Variants in GNAQ observed in about 807,000 individuals in gnomAD.
GNAQ encodes G protein subunit alpha q.
In GNAQ, 8 loss-of-function variants were observed where a neutral mutation model predicts 43.9. The ratio of observed to expected loss-of-function variants is 0.18; its 90% CI spans 0.11 to 0.33. The LOEUF (loss-of-function observed/expected upper bound fraction) is 0.33. Among genes scored for constraint, GNAQ ranks in the 10% least tolerant of loss-of-function variants. GNAQ has a pLI of 1.00. For missense variants in GNAQ, 158 were observed against 450.8 expected (o/e 0.35, Z 5.88); for synonymous variants, 155 against 170.7 (o/e 0.91, Z 0.71).
chr9:77,791,642 C>T (rs1006732100), intron 5 of GNAQ, among the ~76,000 whole-genome samples: 6 of 152,148 alleles, frequency 3.9e-5, no homozygotes, highest in Non-Finnish European at 8.8e-5. Context: ...AGCAGACCTA[C>T]ATAAAATTAT....
intron 2 of GNAQ, among the ~76,000 whole-genome samples, chr9:77,825,699 G>A (rs1238782724): frequency 6.6e-6 from 1 of 152,174 alleles, no homozygotes; most frequent in Non-Finnish European, 1.5e-5. Context: ...GAAATACAAA[G>A]TGAATGTCTG....
At chr9:77,876,656 T>C (rs1330000955) in intron 2 of GNAQ, among the ~76,000 whole-genome samples, 1 of 152,212 alleles carries the variant, frequency 6.6e-6, no homozygotes, top group Non-Finnish European at 1.5e-5. Flanking sequence ...TGCTAAGCAC[T>C]GGACATTAAT....
At position 78,014,464 on chromosome 9, in the gene GNAQ, G is replaced by A. The variant is rs139754112; in HGVS notation, c.136+16636C>T. ...CTACTAAAAATACAAAAATTAGCTG[G>A]GTGTGGTGGTGCATGCCTATAATCC... On this transcript the variant is annotated intron_variant, in intron 1 of 6. Coordinates refer to ENST00000286548, the MANE Select transcript of GNAQ (RefSeq NM_002072.5). Among the ~76,000 whole-genome samples, 44 of 152,108 alleles carry A rather than the reference G, an allele frequency of 2.9e-4. No individual in the cohort carries two copies. The East Asian group carries it at 7.2e-3, about 25-fold the overall frequency.
At chr9:77,875,160 G>A (rs906633429) in intron 2 of GNAQ, among the ~76,000 whole-genome samples, 2 of 152,184 alleles carry the variant, frequency 1.3e-5, no homozygotes, top group Non-Finnish European at 2.9e-5. Context: ...AACTAACTTC[G>A]TCATACTCCT....
intron 3 of GNAQ, among the ~76,000 whole-genome samples, chr9:77,801,353 C>T (rs1279581446): frequency 1.3e-5 from 2 of 152,112 alleles, no homozygotes; most frequent in African/African-American, 2.4e-5. Context: ...AATACTTTTT[C>T]CTCTTCATCT....
At chr9:77,791,853 A>G (rs1415078616) in intron 5 of GNAQ, among the ~76,000 whole-genome samples, 2 of 152,164 alleles carry the variant, frequency 1.3e-5, no homozygotes, top group African/African-American at 4.8e-5. Flanking sequence ...GCTTTGGATT[A>G]AAGTTATGAA....
chr9:77,886,040 G>A (rs530998005), intron 2 of GNAQ, among the ~76,000 whole-genome samples: 75 of 152,164 alleles, frequency 4.9e-4, no homozygotes, highest in African/African-American at 1.7e-3. Flanking sequence ...GCAGTGGCAC[G>A]ATCTCGGTTC....
At chr9:77,870,284 T>C (rs1249722936) in intron 2 of GNAQ, among the ~76,000 whole-genome samples, 2 of 151,994 alleles carry the variant, frequency 1.3e-5, no homozygotes, top group Admixed American at 6.6e-5. Flanking sequence ...AGGAAGCAGT[T>C]TGAAACCTCA....
chr9:78,025,704 T>A (rs996611786), intron 1 of GNAQ, among the ~76,000 whole-genome samples: 2 of 152,182 alleles, frequency 1.3e-5, no homozygotes, highest in African/African-American at 4.8e-5. Context: ...CTTCTGTCTC[T>A]TCCAAGATGT....
At chr9:77,857,477 AAAGAGAGG>A (rs890149441) in intron 2 of GNAQ, among the ~76,000 whole-genome samples, 5 of 150,838 alleles carry the variant, frequency 3.3e-5, no homozygotes, top group South Asian at 2.1e-4. Context: ...GAAGGAAGGG[AAAGAGAGG>A]AAGAGAGGAA....
chr9:78,024,257 T>C (rs994084001), intron 1 of GNAQ, among the ~76,000 whole-genome samples: 9 of 152,126 alleles, frequency 5.9e-5, no homozygotes, highest in Non-Finnish European at 1.5e-5. Context: ...GTTCCATCTT[T>C]AAAACGGAAT....
Position 78,000,515 on chromosome 9 carries a change from C to T in GNAQ, c.136+30585G>A, listed in dbSNP as rs898737700. ...ATAACCACATCTGTAATAAAGAAAG[C>T]TTGTCTGATGATACATGCAGAAGAT... is the stretch of plus-strand genomic sequence containing the variant. On this transcript the variant is annotated intron_variant, in intron 1 of 6. Coordinates refer to ENST00000286548, the MANE Select transcript of GNAQ (RefSeq NM_002072.5). Among the ~76,000 whole-genome samples the T allele has an allele frequency of 5.3e-5, 8 of 152,214 alleles. No individual in the cohort carries two copies. The South Asian group carries it at 1.0e-3, about 20-fold the overall frequency.
intron 5 of GNAQ, among the ~76,000 whole-genome samples, chr9:77,783,644 T>C (rs1281159366): frequency 1.3e-5 from 2 of 152,196 alleles, no homozygotes; most frequent in Admixed American, 6.5e-5. Context: ...TATTACTACT[T>C]AGGAAAACAT....
chr9:77,845,452 T>G (rs1486302819), intron 2 of GNAQ, among the ~76,000 whole-genome samples: 1 of 152,236 alleles, frequency 6.6e-6, no homozygotes, highest in Non-Finnish European at 1.5e-5. Flanking sequence ...GGTAAATATC[T>G]GCAGAACACA....
intron 1 of GNAQ, among the ~76,000 whole-genome samples, chr9:77,928,490 G>A (rs902396625): frequency 6.6e-6 from 1 of 152,158 alleles, no homozygotes; most frequent in Admixed American, 6.6e-5. Context: ...GGAAAAGACA[G>A]GCAAAACACA....
At chr9:77,754,359 A>G (rs375867433) in intron 5 of GNAQ, among the ~76,000 whole-genome samples, 8 of 152,234 alleles carry the variant, frequency 5.3e-5, no homozygotes, top group Admixed American at 3.3e-4. Context: ...AGCATCTAAC[A>G]TAGTTCCTGG....
chr9:77,994,060 A>C (rs1042217109), intron 1 of GNAQ, among the ~76,000 whole-genome samples: 23 of 152,174 alleles, frequency 1.5e-4, no homozygotes, highest in African/African-American at 5.3e-4. Context: ...TCTGTTGCCC[A>C]GGCTGGAGTG....
chr9:77,824,309 C>T (rs898551274), intron 2 of GNAQ, among the ~76,000 whole-genome samples: 1 of 152,140 alleles, frequency 6.6e-6, no homozygotes, highest in Non-Finnish European at 1.5e-5. Flanking sequence ...GGTTCAGATA[C>T]TTGGTAAGCT....
intron 4 of GNAQ, among the ~76,000 whole-genome samples, chr9:77,796,881 T>C (rs1826667207): frequency 6.6e-6 from 1 of 152,200 alleles, no homozygotes; most frequent in African/African-American, 2.4e-5. Context: ...ACATATCCAT[T>C]GTCCTTACAG....
Sources: allele counts gnomAD v4.1 joint callset (sites outside exome capture counted in the v4.1 genomes callset), GRCh38; gene constraint gnomAD v4.1.1; transcripts MANE v1.5; gene names NCBI Gene and HGNC (gene_info 2026-07-23, HGNC 2026-07-21).